The following NPAS3 variants were observed in gnomAD, a reference collection of about 807,000 sequenced individuals.
NPAS3 encodes the protein neuronal PAS domain-containing protein 3.
In NPAS3, 14 loss-of-function variants were observed where a neutral mutation model predicts 73.1. That is an observed-to-expected ratio of 0.19 (90% CI 0.13 to 0.30). NPAS3 has a LOEUF of 0.30. NPAS3 is among the 10% of genes least tolerant of loss of function. The probability of loss-of-function intolerance (pLI) is 1.00; values close to 1 mark genes in which losing one functional copy is unlikely to be tolerated. For synonymous variants in NPAS3, 620 were observed against 541.5 expected (o/e 1.14, Z -2.01); for missense variants, 1,096 against 1,250.0 (o/e 0.88, Z 1.86).
chr14:33,736,368 A>G (rs755227648), intron 7 of NPAS3, among the ~76,000 whole-genome samples: 15 of 152,184 alleles, frequency 9.9e-5, no homozygotes, highest in Non-Finnish European at 1.5e-4. Flanking sequence ...GATCCTTCCA[A>G]GAAAGACCTT....
At chr14:33,072,835 T>C (rs1195508657) in intron 2 of NPAS3, among the ~76,000 whole-genome samples, 1 of 152,200 alleles carries the variant, frequency 6.6e-6, no homozygotes, top group Non-Finnish European at 1.5e-5. Context: ...TCTCTCTTTC[T>C]CTGGGACAGT....
chr14:32,940,786 A>G (rs1443784790), intron 1 of NPAS3, among the ~76,000 whole-genome samples: 1 of 152,242 alleles, frequency 6.6e-6, no homozygotes, highest in Non-Finnish European at 1.5e-5. Context: ...AAAGGCTTCT[A>G]TTGTACTGTT....
At chr14:33,571,046 A>G (rs975936317) in intron 5 of NPAS3, among the ~76,000 whole-genome samples, 1 of 152,194 alleles carries the variant, frequency 6.6e-6, no homozygotes, top group Non-Finnish European at 1.5e-5. Context: ...CTGGAGATGA[A>G]ATCCAAGCAT....
chr14:33,191,795 C>A (rs1350748748), intron 2 of NPAS3, among the ~76,000 whole-genome samples: 1 of 152,162 alleles, frequency 6.6e-6, no homozygotes, highest in Admixed American at 6.5e-5. Context: ...ATGAGAGTGG[C>A]AGATGGCCAC....
Position 33,676,059 on chromosome 14 carries a change from T to TTAAG in NPAS3, c.559-149_559-146dup, listed in dbSNP as rs2059755242. The TTAAG allele has an allele frequency of 5.0e-5, 35 of 696,822 alleles. No individual in the cohort carries two copies. In the South Asian group the frequency reaches 6.2e-4, roughly 12 times the overall value. 43.2% of individuals were successfully genotyped at this position (696,822 alleles called of 1,614,324 possible). On this transcript the variant is annotated intron_variant, in intron 5 of 11. Coordinates refer to ENST00000356141, the Ensembl canonical transcript of NPAS3. Reference sequence around the variant, plus strand: ...TCTTTCTCTTTCACCTCAAGAATTCTTAAGTATTTGAAGATGAAGACAGAA... The same window carrying TTAAG: ...TCTTTCTCTTTCACCTCAAGAATTCTTAAGTAAGTATTTGAAGATGAAGACAGAA...
At chr14:33,274,715 G>T (rs924806916) in intron 3 of NPAS3, among the ~76,000 whole-genome samples, 2 of 152,162 alleles carry the variant, frequency 1.3e-5, no homozygotes, top group African/African-American at 4.8e-5. Flanking sequence ...TCTGAGGGAA[G>T]GTTCTCCCAG....
intron 6 of NPAS3, chr14:33,680,758 T>C (rs764553635): frequency 4.2e-5 from 27 of 646,302 alleles, no homozygotes; most frequent in Non-Finnish European, 6.6e-5. Flanking sequence ...AAATCAATAC[T>C]GTACCAGGAT....
chr14:33,197,220 G>C (rs1356098573), intron 2 of NPAS3, among the ~76,000 whole-genome samples: 2 of 138,848 alleles, frequency 1.4e-5, no homozygotes, highest in African/African-American at 2.7e-5. Context: ...GTCTGCTCTG[G>C]GATGCACTCC....
At chr14:33,069,772 C>T (rs2138638970) in intron 2 of NPAS3, among the ~76,000 whole-genome samples, 1 of 152,266 alleles carries the variant, frequency 6.6e-6, no homozygotes, top group African/African-American at 2.4e-5. Flanking sequence ...GAAAAAATAG[C>T]TAAAAGAGGA....
intron 7 of NPAS3, among the ~76,000 whole-genome samples, chr14:33,743,264 T>C (rs2061698974): frequency 6.6e-6 from 1 of 152,248 alleles, no homozygotes; most frequent in Non-Finnish European, 1.5e-5. Context: ...TCAAAATTAC[T>C]CTTTAATCTA....
At chr14:33,456,285 C>A (rs186408967) in intron 4 of NPAS3, among the ~76,000 whole-genome samples, 1 of 152,124 alleles carries the variant, frequency 6.6e-6, no homozygotes, top group South Asian at 2.1e-4. Flanking sequence ...TCATAGGTGA[C>A]AATCAAGTTT....
intron 2 of NPAS3, among the ~76,000 whole-genome samples, chr14:33,118,999 G>A (rs2043149912): frequency 6.6e-6 from 1 of 151,756 alleles, no homozygotes; most frequent in South Asian, 2.1e-4. Flanking sequence ...ATGCTACATG[G>A]CAATATTTTC....
intron 4 of NPAS3, among the ~76,000 whole-genome samples, chr14:33,509,277 T>C (rs903413072): frequency 1.4e-4 from 21 of 152,024 alleles, no homozygotes; most frequent in African/African-American, 3.9e-4. Context: ...ATACAGATTA[T>C]GAACTTTTCT....
chr14:33,593,861 C>A (rs2057152205), intron 5 of NPAS3, among the ~76,000 whole-genome samples: 1 of 152,120 alleles, frequency 6.6e-6, no homozygotes, highest in Non-Finnish European at 1.5e-5. Flanking sequence ...AGAGATGCTT[C>A]CTAGCAGGTT....
intron 1 of NPAS3, among the ~76,000 whole-genome samples, chr14:33,051,615 G>A (rs114499903): frequency 8.7e-4 from 133 of 152,228 alleles, no homozygotes; most frequent in African/African-American, 3.1e-3. Context: ...TGTCATTCAG[G>A]GAGCCCTTGA....
At chr14:33,242,313 C>T (rs565697952) in intron 3 of NPAS3, among the ~76,000 whole-genome samples, 1 of 152,038 alleles carries the variant, frequency 6.6e-6, no homozygotes, top group Non-Finnish European at 1.5e-5. Flanking sequence ...TGTCAAGTAC[C>T]CTTCTGCTAT....
chr14:33,238,227 A>G (rs2048103870), intron 3 of NPAS3, among the ~76,000 whole-genome samples: 1 of 152,030 alleles, frequency 6.6e-6, no homozygotes, highest in Non-Finnish European at 1.5e-5. Context: ...ATAGGATTAT[A>G]AATGTTAGAG....
chr14:33,426,003 T>G (rs1835696286), intron 4 of NPAS3, among the ~76,000 whole-genome samples: 1 of 152,066 alleles, frequency 6.6e-6, no homozygotes, highest in Non-Finnish European at 1.5e-5. Flanking sequence ...TTTAGACTCA[T>G]CAGGTCATCT....
At chr14:33,221,803 A>G (rs766220914) in intron 3 of NPAS3, among the ~76,000 whole-genome samples, 1 of 152,132 alleles carries the variant, frequency 6.6e-6, no homozygotes, top group African/African-American at 2.4e-5. Context: ...TCTGCCTTTG[A>G]CTATGTCATC....
Sources: allele counts gnomAD v4.1 joint callset (sites outside exome capture counted in the v4.1 genomes callset), GRCh38; gene constraint gnomAD v4.1.1; transcripts MANE v1.5; gene names NCBI Gene and HGNC (gene_info 2026-07-23, HGNC 2026-07-21).